SERP2: variants seen among roughly 807,000 people sequenced by gnomAD.
The protein encoded by SERP2 is stress-associated endoplasmic reticulum protein 2.
SERP2 carries 6 observed loss-of-function variants against 9.1 expected under a neutral mutation model. The observed-to-expected ratio is 0.66, with a 90% confidence interval of 0.36 to 1.30. SERP2 has a LOEUF of 1.30. Among genes scored for constraint, SERP2 ranks in the 50% most tolerant of loss-of-function variants. The probability of loss-of-function intolerance (pLI) is 0.03; values close to 1 mark genes in which losing one functional copy is unlikely to be tolerated. For synonymous variants in SERP2, 37 were observed against 27.3 expected (o/e 1.35, Z -1.10); for missense variants, 58 against 81.9 (o/e 0.71, Z 1.13).
At chr13:44,384,728 C>A (rs2138786999) in intron 2 of SERP2, among the ~76,000 whole-genome samples, 2 of 152,274 alleles carry the variant, frequency 1.3e-5, no homozygotes, top group South Asian at 2.1e-4. Context: ...TCCAGTGGGA[C>A]CTTGGAGGTC....
intron 2 of SERP2, among the ~76,000 whole-genome samples, chr13:44,396,270 T>C (rs1286608966): frequency 1.3e-5 from 2 of 152,122 alleles, no homozygotes; most frequent in Admixed American, 1.3e-4. Flanking sequence ...ATGATGAAAC[T>C]TGAATGGCTG....
intron 2 of SERP2, among the ~76,000 whole-genome samples, chr13:44,389,027 G>A (rs1385913431): frequency 6.6e-6 from 1 of 152,224 alleles, no homozygotes; most frequent in Non-Finnish European, 1.5e-5. Flanking sequence ...CACAAGTTTT[G>A]TGGCAAAATG....
chr13:44,395,246 C>T (rs1873020716), intron 2 of SERP2, among the ~76,000 whole-genome samples: 2 of 152,100 alleles, frequency 1.3e-5, no homozygotes, highest in East Asian at 1.9e-4. Context: ...AGGAAAGAAA[C>T]ATCAGATATT....
At chr13:44,374,390 C>T (rs1021936817) in intron 1 of SERP2, among the ~76,000 whole-genome samples, 1 of 152,212 alleles carries the variant, frequency 6.6e-6, no homozygotes, top group Non-Finnish European at 1.5e-5. Flanking sequence ...TCCTCCCCGA[C>T]CCGCACCCCC....
chr13:44,373,790 G>C, upstream of SERP2: 1 of 471,384 alleles, frequency 2.1e-6, no homozygotes, highest in Non-Finnish European at 3.7e-6. The surrounding 1 kb of genome is among the most constrained non-coding windows in gnomAD (Gnocchi z 4.8). Context: ...AGGATGGCGA[G>C]GAAGTCGGAA....
At chr13:44,374,345 G>A (rs1383824858) in intron 1 of SERP2, among the ~76,000 whole-genome samples, 1 of 152,186 alleles carries the variant, frequency 6.6e-6, no homozygotes, top group Non-Finnish European at 1.5e-5. Context: ...TCTGGGAGTG[G>A]CTACCTGGGC....
intron 2 of SERP2, among the ~76,000 whole-genome samples, chr13:44,384,043 AC>A (rs1259263165): frequency 6.7e-6 from 1 of 148,162 alleles, no homozygotes; most frequent in East Asian, 2.0e-4. Context: ...ATTCACCACC[AC>A]CTTTTTTTTT....
chr13:44,374,764 T>G (rs918565171), intron 1 of SERP2, among the ~76,000 whole-genome samples: 3 of 152,100 alleles, frequency 2.0e-5, no homozygotes, highest in African/African-American at 7.2e-5. Context: ...CCAGCCTCTT[T>G]TTTCTCTTTT....
At chr13:44,389,297 C>T (rs1287253372) in intron 2 of SERP2, among the ~76,000 whole-genome samples, 1 of 152,120 alleles carries the variant, frequency 6.6e-6, no homozygotes, top group Non-Finnish European at 1.5e-5. Context: ...AGCTATGTAG[C>T]CTTGTCTAAG....
At chr13:44,377,325 T>A (rs1871715414) in intron 1 of SERP2, among the ~76,000 whole-genome samples, 1 of 148,938 alleles carries the variant, frequency 6.7e-6, no homozygotes, top group South Asian at 2.1e-4. Context: ...ATAAAATGAA[T>A]TTTTTTATAT....
chr13:44,391,660 C>G (rs1208829551), intron 2 of SERP2, among the ~76,000 whole-genome samples: 1 of 152,132 alleles, frequency 6.6e-6, no homozygotes, highest in Non-Finnish European at 1.5e-5. Context: ...GTCCCTGGAC[C>G]GGCATCTCAA....
At chr13:44,386,183 T>G (rs910928834) in intron 2 of SERP2, among the ~76,000 whole-genome samples, 1 of 152,030 alleles carries the variant, frequency 6.6e-6, no homozygotes, top group Non-Finnish European at 1.5e-5. Context: ...GAACAGCAGT[T>G]TGTCCTTTAA....
chr13:44,387,958 T>G (rs776825669), intron 2 of SERP2, among the ~76,000 whole-genome samples: 1 of 152,242 alleles, frequency 6.6e-6, no homozygotes, highest in Non-Finnish European at 1.5e-5. Context: ...AGCCTGGCTA[T>G]TCTTGAAACT....
At chr13:44,374,250 A>AG in intron 1 of SERP2, 141 bp downstream of exon 1, 1 of 542,924 alleles carries the variant, frequency 1.8e-6, no homozygotes, top group African/African-American at 2.0e-5. Flanking sequence ...GGTCCTGCAG[A>AG]GTGGGGGCTG....
Position 44,379,729 on chromosome 13 carries a change from T to C in SERP2, c.157+16T>C. 6.3e-7 allele frequency: 1 copy of C among 1,577,188 alleles called. No homozygotes were observed. Among genetic ancestry groups the C allele is most frequent in the Non-Finnish European group, 8.7e-7 (1 of 1,151,404 alleles). ...TGTGGCTCAGGTATGGGTGTTTCAC[T>C]GAACTTATATCCCATGTTCTCCACT... On this transcript the variant is annotated intron_variant, in intron 2 of 2. Coordinates refer to ENST00000379179, the MANE Select transcript of SERP2 (RefSeq NM_001010897.3).
At chr13:44,374,174 G>T (rs1346401537) in intron 1 of SERP2, 65 bp downstream of exon 1, 1 of 762,228 alleles carries the variant, frequency 1.3e-6, no homozygotes, top group South Asian at 3.0e-5. Context: ...CGGAAGGTGG[G>T]GGCGGGGCCG....
intron 2 of SERP2, among the ~76,000 whole-genome samples, chr13:44,387,022 C>T (rs9533839): frequency 0.42 from 64,510 of 152,044 alleles, 14,171 homozygotes; most frequent in East Asian, 0.66. Context: ...CTGCCAGTCC[C>T]GGGTTTTGAA....
chr13:44,386,950 G>A (rs533241038), intron 2 of SERP2, among the ~76,000 whole-genome samples: 26 of 152,212 alleles, frequency 1.7e-4, no homozygotes, highest in African/African-American at 6.3e-4. Context: ...TTTAATACAA[G>A]TATTATCTTC....
chr13:44,397,364 CG>C lies in SERP2; in HGVS notation c.*54del. 1 of 1,406,570 alleles carries C rather than the reference CG, an allele frequency of 7.1e-7. No individual in the cohort carries two copies. Among genetic ancestry groups the C allele is most frequent in the South Asian group, 1.1e-5 (1 of 86,986 alleles). The allele number at this position is 1,406,570 out of a possible 1,614,324, so 87.1% of individuals were successfully genotyped here. On this transcript the variant is annotated 3_prime_UTR_variant, in exon 3 of 3. Coordinates refer to ENST00000379179, the MANE Select transcript of SERP2 (RefSeq NM_001010897.3). ...CCTCCCACTGGAGGCGGGAGGACAA[CG>C]GAAGCGGTCAGCCAGTTTCTGCGGG...
Sources: allele counts gnomAD v4.1 joint callset (sites outside exome capture counted in the v4.1 genomes callset), GRCh38; gene constraint gnomAD v4.1.1; non-coding constraint Gnocchi (gnomAD v3.1); transcripts MANE v1.5; gene names NCBI Gene and HGNC (gene_info 2026-07-23, HGNC 2026-07-21).